MYLK4: variants seen among roughly 807,000 people sequenced by gnomAD.
MYLK4 encodes the protein myosin light chain kinase family member 4.
Under a neutral mutation model 48.1 loss-of-function variants are expected in MYLK4, and 46 were observed. That is an observed-to-expected ratio of 0.96 (90% confidence interval 0.75 to 1.22). The LOEUF is 1.22. Ranked by LOEUF, MYLK4 falls within the 50% of genes most tolerant of loss-of-function variation. MYLK4 has a pLI of 0.00. For missense variants in MYLK4, 451 were observed against 486.1 expected (o/e 0.93, Z 0.68); for synonymous variants, 170 against 180.8 (o/e 0.94, Z 0.48).
rs576788057 is a variant in MYLK4, at chr6:2,743,571, C to T, written c.159+5565G>A. On this transcript the variant is annotated intron_variant, in intron 2 of 12. Coordinates refer to ENST00000274643, the MANE Select transcript of MYLK4 (RefSeq NM_001012418.5). ...CTTAGTAAGAGTAGAAGCACTTTTG[C>T]TTCTGTTTTATTTTCTTTTCATAAG... 3.3e-5 allele frequency among the ~76,000 whole-genome samples: 5 copies of T among 152,288 alleles called. No individual in the cohort carries two copies. In the South Asian group the frequency reaches 1.0e-3, roughly 32 times the overall value.
intron 2 of MYLK4, among the ~76,000 whole-genome samples, chr6:2,715,205 A>G (rs113319408): frequency 0.079 from 12,007 of 151,174 alleles, 611 homozygotes; most frequent in Non-Finnish European, 0.11. Context: ...GGTTGCGGTA[A>G]GCTGAGATCC....
intron 7 of MYLK4, among the ~76,000 whole-genome samples, chr6:2,681,872 C>A (rs1761318112): frequency 6.6e-6 from 1 of 152,320 alleles, no homozygotes. Context: ...GTTCCAGTTG[C>A]CAATCAAATC....
the MYLK4 span, among the ~76,000 whole-genome samples, chr6:2,763,099 A>C: frequency 6.6e-6 from 1 of 152,094 alleles, no homozygotes; most frequent in African/African-American, 2.4e-5. Context: ...TTTTACAGAG[A>C]GCCCATTGGT....
At chr6:2,669,357 T>C (rs761828642) in intron 12 of MYLK4, among the ~76,000 whole-genome samples, 3 of 152,222 alleles carry the variant, frequency 2.0e-5, no homozygotes, top group Admixed American at 6.5e-5. Flanking sequence ...TGGTCTTCCA[T>C]CACATTGGGT....
At position 2,680,240 on chromosome 6, in the gene MYLK4, C is replaced by A. The variant is rs1391037353; in HGVS notation, c.739G>T (p.Asp247Tyr). The A allele has an allele frequency of 2.4e-5, 39 of 1,614,122 alleles. No homozygotes were observed. Among genetic ancestry groups the A allele is most frequent in the Non-Finnish European group, 3.2e-5 (38 of 1,180,020 alleles). ...ACATACCTTCTGGCCAATCCAAAAT[C>A]AATAATTTTTATTTGCTTAGCATCC... ...NRDAKQIKII[D>Y]FGLARRYKPR... The change falls in exon 8 of 13, where the codon GAT becomes TAT. Residue 247 changes from aspartate to tyrosine, a missense_variant. By Grantham distance (160) the Asp-to-Tyr change is radical (BLOSUM62 -3). Coordinates refer to ENST00000274643, the MANE Select transcript of MYLK4 (RefSeq NM_001012418.5).
At chr6:2,734,599 CTA>C (rs1017298644) in intron 2 of MYLK4, among the ~76,000 whole-genome samples, 4 of 151,046 alleles carry the variant, frequency 2.6e-5, no homozygotes, top group Admixed American at 2.0e-4. Context: ...GCCTGAAAGA[CTA>C]TATATATATA....
intron 10 of MYLK4, among the ~76,000 whole-genome samples, chr6:2,676,495 G>A (rs1189535929): frequency 6.6e-6 from 1 of 152,134 alleles, no homozygotes; most frequent in Non-Finnish European, 1.5e-5. Flanking sequence ...TCTTAAATCT[G>A]GCTATTAAAA....
At chr6:2,699,857 C>T (rs532014656) in intron 2 of MYLK4, among the ~76,000 whole-genome samples, 2 of 152,164 alleles carry the variant, frequency 1.3e-5, no homozygotes, top group African/African-American at 2.4e-5. Context: ...CATCTACTGG[C>T]CACCATGGGG....
intron 3 of MYLK4, among the ~76,000 whole-genome samples, chr6:2,691,944 A>G (rs1761820575): frequency 6.6e-6 from 1 of 152,244 alleles, no homozygotes; most frequent in African/African-American, 2.4e-5. Flanking sequence ...AGCTCTAGAG[A>G]AAACATTGCT....
At chr6:2,766,928 CA>C in the MYLK4 span, among the ~76,000 whole-genome samples, 1 of 152,146 alleles carries the variant, frequency 6.6e-6, no homozygotes, top group African/African-American at 2.4e-5. Context: ...GTTGGTTTAA[CA>C]GACTGGTATT....
intron 2 of MYLK4, among the ~76,000 whole-genome samples, chr6:2,706,630 G>A (rs1282201322): frequency 1.3e-5 from 2 of 152,164 alleles, no homozygotes; most frequent in African/African-American, 4.8e-5. Context: ...ACTACACAGC[G>A]TGTGGGAGCC....
chr6:2,670,320 C>T lies in MYLK4; in HGVS notation c.*25+956G>A, dbSNP rs200225015. ...GGTGGGGGTTGCAGTGAGCCAAGAT[C>T]GCACCATTGCACTCCAGCCTGGGTG... is the stretch of plus-strand genomic sequence containing the variant. On this transcript the variant is annotated intron_variant, in intron 12 of 12. Transcript: ENST00000274643. Among the ~76,000 whole-genome samples the T allele has an allele frequency of 3.4e-3, 517 of 152,088 alleles. 4 individuals are homozygous for T. The highest frequency in any genetic ancestry group is 0.011 in the African/African-American group (443 of 41,514).
chr6:2,678,497 A>T, intron 9 of MYLK4, 125 bp from the exon 10 acceptor site: 2 of 1,043,200 alleles, frequency 1.9e-6, no homozygotes, highest in Non-Finnish European at 1.4e-6. Context: ...CTGAAGCATA[A>T]TTTTATAACA....
chr6:2,728,623 G>T (rs920813299), intron 2 of MYLK4, among the ~76,000 whole-genome samples: 1 of 152,178 alleles, frequency 6.6e-6, no homozygotes, highest in Non-Finnish European at 1.5e-5. Flanking sequence ...GCCCAGAGAG[G>T]TTGGCACTCC....
chr6:2,762,824 G>C, the MYLK4 span, among the ~76,000 whole-genome samples: 1 of 152,118 alleles, frequency 6.6e-6, no homozygotes, highest in Non-Finnish European at 1.5e-5. Context: ...GAGGTCTTAG[G>C]TCAGCATCTC....
chr6:2,744,726 G>A (rs1234312916), intron 2 of MYLK4, among the ~76,000 whole-genome samples: 3 of 152,160 alleles, frequency 2.0e-5, no homozygotes, highest in Non-Finnish European at 2.9e-5. Context: ...AGGGACAGTG[G>A]GGTCCCGAGT....
the MYLK4 span, among the ~76,000 whole-genome samples, chr6:2,764,999 C>T: frequency 2.6e-5 from 4 of 152,178 alleles, no homozygotes; most frequent in Non-Finnish European, 5.9e-5. Context: ...CGGCCGCCTC[C>T]TGCTTGTCCC....
Position 2,729,480 on chromosome 6 carries a change from C to T in MYLK4, c.159+19656G>A, listed in dbSNP as rs1763401422. Among the ~76,000 whole-genome samples, 4 of 152,370 alleles carry T rather than the reference C, an allele frequency of 2.6e-5. 1 individual carries two copies. In the Middle Eastern group the frequency reaches 0.01, roughly 389 times the overall value. Reference sequence around the variant, plus strand: ...TGGTTTGTGTACTGATTATTACAAACTTATACTAAACACGATCCACCATTA... The same window carrying T: ...TGGTTTGTGTACTGATTATTACAAATTTATACTAAACACGATCCACCATTA... On this transcript the variant is annotated intron_variant, in intron 2 of 12. Coordinates refer to ENST00000274643, the MANE Select transcript of MYLK4 (RefSeq NM_001012418.5).
chr6:2,679,954 C>T (rs1761229091), intron 8 of MYLK4, among the ~76,000 whole-genome samples: 1 of 152,172 alleles, frequency 6.6e-6, no homozygotes, highest in African/African-American at 2.4e-5. Flanking sequence ...GGGACAAACT[C>T]TTGCAAATGC....
Sources: gnomAD v4.1 joint callset for allele counts (sites outside exome capture counted in the v4.1 genomes callset) on GRCh38, gnomAD v4.1.1 for gene constraint, MANE v1.5 for transcripts, NCBI Gene and HGNC (gene_info 2026-07-23, HGNC 2026-07-21) for gene names.